Variants in TMEM181 observed in about 807,000 individuals in gnomAD.
TMEM181 encodes the protein G protein-coupled receptor 178.
TMEM181 carries 39 observed loss-of-function variants against 71.9 expected under a neutral mutation model. That is an observed-to-expected ratio of 0.54 (90% confidence interval 0.42 to 0.71). The LOEUF is 0.71. TMEM181 is among the 30% of genes least tolerant of loss of function. The pLI is 0.00. For missense variants in TMEM181, 595 were observed against 583.0 expected (o/e 1.02, Z -0.21); for synonymous variants, 245 against 228.8 (o/e 1.07, Z -0.64).
intron 1 of TMEM181, among the ~76,000 whole-genome samples, chr6:158,542,678 C>T (rs1781396407): frequency 6.6e-6 from 1 of 152,150 alleles, no homozygotes; most frequent in African/African-American, 2.4e-5. Flanking sequence ...GACCTCGGCT[C>T]ACTACAACCT....
At chr6:158,542,868 G>GTTTTTTTTTT (rs61401561) in intron 1 of TMEM181, among the ~76,000 whole-genome samples, 2 of 73,462 alleles carry the variant, frequency 2.7e-5, no homozygotes, top group Non-Finnish European at 4.8e-5. Flanking sequence ...CTCCAGAGTG[G>GTTTTTTTTTT]TTTTTTTTTT....
At chr6:158,565,666 A>G (rs181212477) in intron 1 of TMEM181, among the ~76,000 whole-genome samples, 75 of 152,366 alleles carry the variant, frequency 4.9e-4, no homozygotes, top group South Asian at 2.9e-3. Context: ...AGAGGCATCG[A>G]AAGTTACTGG....
At chr6:158,543,867 A>C (rs1781436469) in intron 1 of TMEM181, among the ~76,000 whole-genome samples, 1 of 152,162 alleles carries the variant, frequency 6.6e-6, no homozygotes, top group African/African-American at 2.4e-5. Context: ...AGAACAGCTC[A>C]TGTGTTGATA....
chr6:158,578,967 G>A lies in TMEM181; in HGVS notation c.113-1973G>A, dbSNP rs187247830. Among the ~76,000 whole-genome samples the A allele has an allele frequency of 1.1e-3, 161 of 152,336 alleles. 1 individual carries two copies. Among genetic ancestry groups the A allele is most frequent in the Non-Finnish European group, 1.8e-3 (123 of 68,026 alleles). ...GTGTATATACTCAAGAGATTTGAAAGCAGGGTCTTGGCCGGGCATGGTGGC... is the reference window on the plus strand; with the variant it reads ...GTGTATATACTCAAGAGATTTGAAAACAGGGTCTTGGCCGGGCATGGTGGC... On this transcript the variant is annotated intron_variant, in intron 2 of 16. Transcript: ENST00000684151.
At chr6:158,579,359 A>G (rs1293219303) in intron 2 of TMEM181, among the ~76,000 whole-genome samples, 1 of 152,100 alleles carries the variant, frequency 6.6e-6, no homozygotes, top group African/African-American at 2.4e-5. Context: ...CACAGTATCC[A>G]TTGACAGATA....
chr6:158,540,950 C>T (rs1433583517), intron 1 of TMEM181, among the ~76,000 whole-genome samples: 1 of 152,228 alleles, frequency 6.6e-6, no homozygotes, highest in Middle Eastern at 3.4e-3. Context: ...TGAATTTTTT[C>T]GTAGAGACGA....
chr6:158,566,207 C>G (rs1782484369), intron 1 of TMEM181, among the ~76,000 whole-genome samples: 1 of 152,032 alleles, frequency 6.6e-6, no homozygotes, highest in Admixed American at 6.6e-5. Context: ...TGTGAGGTAC[C>G]TGCTTGATAG....
chr6:158,617,220 A>T (rs57871865), intron 10 of TMEM181, among the ~76,000 whole-genome samples: 20,294 of 152,040 alleles, frequency 0.13, 1,504 homozygotes, highest in Middle Eastern at 0.2. Flanking sequence ...GGGAGAGTGT[A>T]TGTGTCCAGG....
rs1375493729 is a variant in TMEM181 at position 158,633,371 on chromosome 6, T to C, written c.*1483T>C. 6.6e-6 allele frequency: 1 copy of C among 152,150 alleles called. No individual in the cohort carries two copies. Among genetic ancestry groups the C allele is most frequent in the Non-Finnish European group, 1.5e-5 (1 of 68,030 alleles). The allele number at this position is 152,150 out of a possible 1,614,324, so 9.4% of individuals were successfully genotyped here. On this transcript the variant is annotated 3_prime_UTR_variant, in exon 17 of 17. Transcript: ENST00000684151. Reference sequence around the variant, plus strand: ...GTTCCTTTCAGTCAGGGACTCCATATAGAGTCTCATGTGGACGTCTCCCGT... The same window carrying C: ...GTTCCTTTCAGTCAGGGACTCCATACAGAGTCTCATGTGGACGTCTCCCGT...
At chr6:158,568,563 T>G (rs1383214516) in intron 1 of TMEM181, among the ~76,000 whole-genome samples, 1 of 152,208 alleles carries the variant, frequency 6.6e-6, no homozygotes, top group Non-Finnish European at 1.5e-5. Context: ...ATTTTCTGCA[T>G]CACAGACTTG....
At chr6:158,572,217 C>A (rs1782893296) in intron 1 of TMEM181, among the ~76,000 whole-genome samples, 2 of 152,222 alleles carry the variant, frequency 1.3e-5, no homozygotes, top group Non-Finnish European at 2.9e-5. Flanking sequence ...CAACTGCAGT[C>A]TCTCAGGCGT....
intron 1 of TMEM181, chr6:158,572,570 T>A (rs2128293486): frequency 4.6e-6 from 2 of 439,190 alleles, no homozygotes; most frequent in Non-Finnish European, 9.2e-6. Flanking sequence ...CCTGTGCTGC[T>A]CAGAGAAGTA....
At chr6:158,545,763 G>A (rs1781508730) in intron 1 of TMEM181, among the ~76,000 whole-genome samples, 1 of 151,842 alleles carries the variant, frequency 6.6e-6, no homozygotes, top group South Asian at 2.1e-4. Flanking sequence ...CAGTCATGGT[G>A]CACTACAGTC....
At chr6:158,598,034 G>A (rs1039810640) in intron 6 of TMEM181, among the ~76,000 whole-genome samples, 1 of 152,184 alleles carries the variant, frequency 6.6e-6, no homozygotes, top group African/African-American at 2.4e-5. Context: ...CCGTTGCCAC[G>A]TTCAGGCCAT....
chr6:158,591,512 C>T (rs1784108312), intron 6 of TMEM181, among the ~76,000 whole-genome samples: 1 of 151,990 alleles, frequency 6.6e-6, no homozygotes, highest in East Asian at 1.9e-4. Flanking sequence ...GGATCTTAGT[C>T]TTCAGAGAAT....
chr6:158,561,990 C>T (rs756216699), intron 1 of TMEM181, among the ~76,000 whole-genome samples: 5 of 152,102 alleles, frequency 3.3e-5, no homozygotes, highest in African/African-American at 4.8e-5. Flanking sequence ...GTCTGGTGTG[C>T]CTGAGAGCCC....
upstream of TMEM181, among the ~76,000 whole-genome samples, chr6:158,555,874 A>C (rs1393581986): frequency 2.1e-5 from 2 of 93,264 alleles, no homozygotes; most frequent in African/African-American, 4.9e-5. Context: ...TTTCTCTTGG[A>C]AGATTTTTCA....
chr6:158,589,923 G>A, intron 6 of TMEM181, 141 bp downstream of exon 6: 4 of 635,382 alleles, frequency 6.3e-6, no homozygotes, highest in South Asian at 2.0e-5. Context: ...AAAATTATAG[G>A]AAAACTACAG....
intron 10 of TMEM181, among the ~76,000 whole-genome samples, chr6:158,613,733 T>C (rs895288148): frequency 6.6e-6 from 1 of 152,238 alleles, no homozygotes; most frequent in Non-Finnish European, 1.5e-5. Flanking sequence ...CAAGAAAATA[T>C]ATTCTTACCG....
Sources: allele counts gnomAD v4.1 joint callset (sites outside exome capture counted in the v4.1 genomes callset), GRCh38; gene constraint gnomAD v4.1.1; transcripts MANE v1.5; gene names NCBI Gene and HGNC (gene_info 2026-07-23, HGNC 2026-07-21).